PARD3: variants seen among roughly 807,000 people sequenced by gnomAD.
PARD3 encodes the protein par-3 family cell polarity regulator.
A neutral mutation model predicts 155.4 loss-of-function variants in PARD3; 75 were observed. That is an observed-to-expected ratio of 0.48 (90% CI 0.40 to 0.58). The LOEUF (loss-of-function observed/expected upper bound fraction) is 0.58. Among genes scored for constraint, PARD3 ranks in the 20% least tolerant of loss-of-function variants. PARD3 has a pLI of 0.00. For missense variants in PARD3, 1,642 were observed against 1,721.7 expected (o/e 0.95, Z 0.82); for synonymous variants, 576 against 610.5 (o/e 0.94, Z 0.83).
At chr10:34,428,162 T>G (rs2132501305) in intron 5 of PARD3, among the ~76,000 whole-genome samples, 1 of 152,300 alleles carries the variant, frequency 6.6e-6, no homozygotes, top group South Asian at 2.1e-4. Flanking sequence ...TTCCCCAATC[T>G]TCAAGATAGA....
chr10:34,252,976 A>T (rs1407824743), intron 22 of PARD3, among the ~76,000 whole-genome samples: 1 of 152,202 alleles, frequency 6.6e-6, no homozygotes, highest in African/African-American at 2.4e-5. Context: ...AACAGTGTTC[A>T]GCAAGGATAA....
chr10:34,570,654 G>A (rs2086315301), intron 2 of PARD3, among the ~76,000 whole-genome samples: 1 of 151,936 alleles, frequency 6.6e-6, no homozygotes. Flanking sequence ...TGTTCATGTG[G>A]GTGAAATCCA....
intron 3 of PARD3, among the ~76,000 whole-genome samples, chr10:34,499,963 T>C (rs1446402331): frequency 2.6e-5 from 4 of 152,250 alleles, no homozygotes; most frequent in African/African-American, 9.6e-5. Context: ...TAAATAGTTG[T>C]TATACTGTAT....
chr10:34,635,971 AT>A (rs1012127894), intron 2 of PARD3, among the ~76,000 whole-genome samples: 7 of 151,234 alleles, frequency 4.6e-5, no homozygotes, highest in African/African-American at 1.5e-4. Flanking sequence ...CCTCCACAGA[AT>A]TTTTTTTTAC....
At chr10:34,318,387 T>C (rs1958148392) in intron 19 of PARD3, among the ~76,000 whole-genome samples, 1 of 152,216 alleles carries the variant, frequency 6.6e-6, no homozygotes, top group Non-Finnish European at 1.5e-5. Flanking sequence ...GTCATTTTTC[T>C]TTTTCCAGCA....
intron 22 of PARD3, among the ~76,000 whole-genome samples, chr10:34,246,139 C>T (rs1400911086): frequency 6.6e-6 from 1 of 152,168 alleles, no homozygotes; most frequent in African/African-American, 2.4e-5. Flanking sequence ...AAAGAATTTT[C>T]TTCAGTAGAG....
intron 15 of PARD3, among the ~76,000 whole-genome samples, chr10:34,347,585 G>T (rs1474712779): frequency 6.6e-6 from 1 of 152,188 alleles, no homozygotes; most frequent in African/African-American, 2.4e-5. Context: ...CACTGTGAAT[G>T]ATATGTAACT....
At chr10:34,755,093 C>G (rs183379587) in intron 1 of PARD3, among the ~76,000 whole-genome samples, 1 of 142,198 alleles carries the variant, frequency 7.0e-6, no homozygotes. Flanking sequence ...GGATGACTGA[C>G]AGCTTCAAGA....
chr10:34,203,814 T>G (rs1031895627), intron 22 of PARD3, among the ~76,000 whole-genome samples: 2 of 152,200 alleles, frequency 1.3e-5, no homozygotes, highest in African/African-American at 4.8e-5. Context: ...GTTCTATTGA[T>G]CTGTCAATGC....
intron 20 of PARD3, among the ~76,000 whole-genome samples, chr10:34,290,718 CTGA>C (rs967993658): frequency 1.8e-4 from 28 of 152,272 alleles, no homozygotes; most frequent in African/African-American, 6.3e-4. Context: ...TGGAACTTTC[CTGA>C]TGTTTTTGAA....
chr10:34,474,958 A>T (rs988809244), intron 3 of PARD3, among the ~76,000 whole-genome samples: 38 of 152,330 alleles, frequency 2.5e-4, no homozygotes, highest in African/African-American at 8.2e-4. Flanking sequence ...AAATGTTAAG[A>T]TAGGAAAAGG....
chr10:34,667,708 C>T (rs78850249), intron 2 of PARD3, among the ~76,000 whole-genome samples: 312 of 152,258 alleles, frequency 2.0e-3, no homozygotes, highest in African/African-American at 7.2e-3. Context: ...CCAGTAAGAC[C>T]AGCCCCAAAA....
intron 7 of PARD3, among the ~76,000 whole-genome samples, chr10:34,396,786 CTT>C (rs1843390358): frequency 6.6e-6 from 1 of 151,928 alleles, no homozygotes; most frequent in Admixed American, 6.6e-5. Flanking sequence ...AATTTCTTAA[CTT>C]CACTTAATTT....
At chr10:34,622,037 C>T (rs139883060) in intron 2 of PARD3, among the ~76,000 whole-genome samples, 1 of 152,276 alleles carries the variant, frequency 6.6e-6, no homozygotes, top group Non-Finnish European at 1.5e-5. Flanking sequence ...AACCAGCACT[C>T]ATAAAGGTGG....
At chr10:34,508,336 C>T (rs1237078178) in intron 3 of PARD3, among the ~76,000 whole-genome samples, 1 of 152,048 alleles carries the variant, frequency 6.6e-6, no homozygotes, top group African/African-American at 2.4e-5. Context: ...CTTTGTTTCC[C>T]CAAATTTTTA....
intron 14 of PARD3, among the ~76,000 whole-genome samples, chr10:34,353,160 C>G (rs553693813): frequency 6.6e-6 from 1 of 151,998 alleles, no homozygotes; most frequent in African/African-American, 2.4e-5. Flanking sequence ...CCAGCCGCCC[C>G]GTCCGGGAGG....
intron 24 of PARD3, among the ~76,000 whole-genome samples, chr10:34,112,375 C>A (rs189606877): frequency 3.9e-5 from 6 of 152,284 alleles, no homozygotes; most frequent in Non-Finnish European, 1.5e-5. Context: ...GGCATGATTT[C>A]CAGGAAACAT....
chr10:34,527,360 C>A (rs1257454861), intron 2 of PARD3, among the ~76,000 whole-genome samples: 1 of 152,190 alleles, frequency 6.6e-6, no homozygotes, highest in Non-Finnish European at 1.5e-5. Flanking sequence ...TACCTGCTGA[C>A]TTCACAATTT....
At chr10:34,254,809 C>T (rs991933349) in intron 22 of PARD3, among the ~76,000 whole-genome samples, 1 of 152,074 alleles carries the variant, frequency 6.6e-6, no homozygotes, top group Non-Finnish European at 1.5e-5. Flanking sequence ...GCACCTACCA[C>T]AATTCTTGGC....
Sources: gnomAD v4.1 joint callset for allele counts (sites outside exome capture counted in the v4.1 genomes callset) on GRCh38, gnomAD v4.1.1 for gene constraint, MANE v1.5 for transcripts, NCBI Gene and HGNC (gene_info 2026-07-23, HGNC 2026-07-21) for gene names.